The following RHOBTB3 variants were observed in gnomAD, a reference collection of about 807,000 sequenced individuals.
The protein encoded by RHOBTB3 is Rho related BTB domain containing 3.
RHOBTB3 carries 47 observed loss-of-function variants against 67.2 expected under a neutral mutation model. The ratio of observed to expected loss-of-function variants is 0.70; its 90% CI spans 0.55 to 0.89. RHOBTB3 has a LOEUF of 0.89. Ranked by LOEUF, RHOBTB3 falls within the 40% of genes least tolerant of loss-of-function variation. The pLI is 0.00. For synonymous variants in RHOBTB3, 273 were observed against 274.2 expected (o/e 1.00, Z 0.04); for missense variants, 631 against 750.0 (o/e 0.84, Z 1.85).
intron 3 of RHOBTB3, among the ~76,000 whole-genome samples, chr5:95,740,901 G>A (rs537721032): frequency 1.3e-5 from 2 of 152,226 alleles, no homozygotes; most frequent in East Asian, 1.9e-4. Flanking sequence ...AGAGTGAATT[G>A]TAAACATTAT....
At chr5:95,717,870 A>G (rs2112740438) in intron 1 of RHOBTB3, 1 of 152,344 alleles carries the variant, frequency 6.6e-6, no homozygotes, top group South Asian at 2.1e-4. Context: ...CTTGATCTAA[A>G]TGACAGTTAA....
chr5:95,764,837 T>A (rs1171686800), intron 7 of RHOBTB3, among the ~76,000 whole-genome samples: 1 of 152,208 alleles, frequency 6.6e-6, no homozygotes, highest in Non-Finnish European at 1.5e-5. Flanking sequence ...TAGTCTTTTT[T>A]GTAAACAAAG....
chr5:95,737,991 T>C (rs1029413369), intron 3 of RHOBTB3, among the ~76,000 whole-genome samples: 7 of 152,248 alleles, frequency 4.6e-5, no homozygotes, highest in African/African-American at 1.7e-4. Flanking sequence ...AGTAGTGCCT[T>C]AGGTTAGGCT....
chr5:95,761,339 CTTTTTTTTTT>C (rs766063568), intron 6 of RHOBTB3, among the ~76,000 whole-genome samples: 2 of 125,812 alleles, frequency 1.6e-5, no homozygotes, highest in African/African-American at 6.1e-5. Context: ...CCTTTTTCCT[CTTTTTTTTTT>C]TTTTTTTTTT....
At chr5:95,744,677 C>T (rs138529179) in intron 3 of RHOBTB3, among the ~76,000 whole-genome samples, 5 of 152,276 alleles carry the variant, frequency 3.3e-5, no homozygotes, top group South Asian at 4.2e-4. Flanking sequence ...GGCTTCCCCC[C>T]ATCCATCCCT....
Position 95,783,867 on chromosome 5 carries a change from C to G in RHOBTB3, c.1527C>G (p.Ile509Met), listed in dbSNP as rs546495498. Residue 509 changes from isoleucine to methionine, a missense_variant, in exon 10 of 12, where the codon ATC becomes ATG. Physicochemically the swap from Ile to Met is conservative, Grantham distance 10. Coordinates refer to ENST00000379982, the MANE Select transcript of RHOBTB3 (RefSeq NM_014899.4). ...ACCAAGTGTCCAGACTGCAGCACAT[C>G]TGTGAGCTGTTCATCATTACCCAGC... ...EMYQVSRLQH[I>M]CELFIITQLQ... 2 of 1,614,020 alleles carry G rather than the reference C, an allele frequency of 1.2e-6. No homozygotes were observed. Among genetic ancestry groups the G allele is most frequent in the South Asian group, 2.2e-5 (2 of 91,076 alleles).
Position 95,793,312 on chromosome 5 carries a change from T to C in RHOBTB3, c.*138T>C, listed in dbSNP as rs1045161814. 1.3e-5 allele frequency: 7 copies of C among 538,774 alleles called. No homozygotes were observed. Among genetic ancestry groups the C allele is most frequent in the Non-Finnish European group, 2.3e-5 (7 of 307,978 alleles). The allele number at this position is 538,774 out of a possible 1,614,324, so 33.4% of individuals were successfully genotyped here. On this transcript the variant is annotated 3_prime_UTR_variant, in exon 12 of 12. Coordinates refer to ENST00000379982, the MANE Select transcript of RHOBTB3 (RefSeq NM_014899.4). The stretch of plus-strand genomic sequence containing the variant: ...CATATAGCTTAATATGTTTATTAGT[T>C]CTCTTTGGAAAAAAACTACCACTGT...
chr5:95,782,763 T>C (rs1746090659), intron 9 of RHOBTB3: 1 of 136,614 alleles, frequency 7.3e-6, no homozygotes, highest in African/African-American at 2.7e-5. Context: ...TGAGCCAAGA[T>C]CGCACCACTG....
rs1463268608 is a variant in RHOBTB3 at position 95,780,442 on chromosome 5, T to G, written c.1456+17T>G. Reference sequence around the variant, plus strand: ...GCTGCCCAGGTTAGCAATACAAATGTTGATAGTATCTCAGAATTCTTTCTT... The same window carrying G: ...GCTGCCCAGGTTAGCAATACAAATGGTGATAGTATCTCAGAATTCTTTCTT... On this transcript the variant is annotated intron_variant, in intron 9 of 11. Transcript: ENST00000379982. The G allele has an allele frequency of 6.2e-7, 1 of 1,604,746 alleles. No individual in the cohort carries two copies. Among genetic ancestry groups the G allele is most frequent in the East Asian group, 2.2e-5 (1 of 44,766 alleles).
intron 8 of RHOBTB3, among the ~76,000 whole-genome samples, chr5:95,779,423 C>T (rs768625419): frequency 1.3e-5 from 2 of 152,118 alleles, no homozygotes; most frequent in Non-Finnish European, 2.9e-5. Flanking sequence ...AGTGTGTATT[C>T]GTGGTTTTCT....
chr5:95,785,289 A>T (rs1219006779), intron 10 of RHOBTB3, among the ~76,000 whole-genome samples: 8 of 152,216 alleles, frequency 5.3e-5, no homozygotes. Flanking sequence ...AGGGCTAAAA[A>T]CAAATTTAAA....
upstream of RHOBTB3, among the ~76,000 whole-genome samples, chr5:95,726,440 T>C (rs957670705): frequency 2.6e-5 from 4 of 152,240 alleles, no homozygotes; most frequent in African/African-American, 4.8e-5. Context: ...TTCAATACTT[T>C]GGTGTTTAGT....
intron 11 of RHOBTB3, 83 bp downstream of exon 11, chr5:95,788,941 T>C (rs745656227): frequency 1.8e-5 from 15 of 836,032 alleles, no homozygotes; most frequent in Non-Finnish European, 2.8e-5. Flanking sequence ...GAAGTAGTAC[T>C]TTTAGCAAAA....
chr5:95,792,562 G>A (rs1302844437), intron 11 of RHOBTB3, among the ~76,000 whole-genome samples: 1 of 151,932 alleles, frequency 6.6e-6, no homozygotes, highest in Non-Finnish European at 1.5e-5. Flanking sequence ...GGAGTCCAAG[G>A]CAGGCAGATC....
rs147752804 is a variant in RHOBTB3 at position 95,745,578 on chromosome 5, A to G, written c.416-2755A>G. Among the ~76,000 whole-genome samples, 10 of 152,294 alleles carry G rather than the reference A, an allele frequency of 6.6e-5. No individual in the cohort carries two copies. In the East Asian group the frequency reaches 1.9e-3, roughly 29 times the overall value. ...GGCAATGTTGTAAGAATTAACCTGC[A>G]GGTTCCCAAAGCCACTACTTTTCAA... On this transcript the variant is annotated intron_variant, in intron 3 of 11. Transcript: ENST00000379982.
At chr5:95,791,215 A>G (rs1746376047) in intron 11 of RHOBTB3, among the ~76,000 whole-genome samples, 1 of 152,178 alleles carries the variant, frequency 6.6e-6, no homozygotes, top group Non-Finnish European at 1.5e-5. Flanking sequence ...TAGAAATCAA[A>G]AAGTGAGACT....
At chr5:95,726,262 T>C (rs551041482), upstream of RHOBTB3, among the ~76,000 whole-genome samples, 1 of 152,360 alleles carries the variant, frequency 6.6e-6, no homozygotes, top group East Asian at 1.9e-4. Context: ...ATTTTAGATA[T>C]TTTTATCTTG....
intron 9 of RHOBTB3, among the ~76,000 whole-genome samples, chr5:95,780,929 T>A (rs1043485415): frequency 6.6e-6 from 1 of 152,186 alleles, no homozygotes; most frequent in Non-Finnish European, 1.5e-5. Flanking sequence ...CCTTCTGACT[T>A]CTGCTAAAGT....
chr5:95,754,457 A>G (rs1274588135), intron 5 of RHOBTB3, among the ~76,000 whole-genome samples: 1 of 152,158 alleles, frequency 6.6e-6, no homozygotes, highest in African/African-American at 2.4e-5. Flanking sequence ...CTTCGTTATT[A>G]TCTGTTTTAT....
Sources: gnomAD v4.1 joint callset for allele counts (sites outside exome capture counted in the v4.1 genomes callset) on GRCh38, gnomAD v4.1.1 for gene constraint, MANE v1.5 for transcripts, NCBI Gene and HGNC (gene_info 2026-07-23, HGNC 2026-07-21) for gene names.